The following LRRC63 variants were observed in gnomAD, a reference collection of about 807,000 sequenced individuals.
LRRC63 encodes the protein leucine-rich repeat-containing protein 63.
A neutral mutation model predicts 49.5 loss-of-function variants in LRRC63; 40 were observed. That is an observed-to-expected ratio of 0.81 (90% CI 0.63 to 1.05). The LOEUF is 1.05. LRRC63 is among the 50% of genes least tolerant of loss of function. LRRC63 has a pLI of 0.00. For missense variants in LRRC63, 636 were observed against 663.1 expected (o/e 0.96, Z 0.45); for synonymous variants, 191 against 221.1 (o/e 0.86, Z 1.21).
At chr13:46,244,665 T>C (rs1415073885) in intron 5 of LRRC63, among the ~76,000 whole-genome samples, 1 of 152,122 alleles carries the variant, frequency 6.6e-6, no homozygotes, top group African/African-American at 2.4e-5. Context: ...TTCTAGCTAC[T>C]CAGGAGGCTG....
exon 2 of LRRC63, chr13:46,213,081 T>C: frequency 3.2e-6 from 5 of 1,549,872 alleles, no homozygotes; most frequent in Non-Finnish European, 3.5e-6. Flanking sequence ...CCTCCAAAAT[T>C]CACTAAGCTG....
At chr13:46,246,543 A>C in exon 6 of LRRC63, 5 of 1,454,708 alleles carry the variant, frequency 3.4e-6, no homozygotes, top group Non-Finnish European at 4.5e-6. Flanking sequence ...TTTATCCTAA[A>C]TTGTCCAGAC....
At chr13:46,236,402 G>C (rs889659608) in intron 5 of LRRC63, among the ~76,000 whole-genome samples, 1 of 152,084 alleles carries the variant, frequency 6.6e-6, no homozygotes. Context: ...CAAAGTCAAA[G>C]AAAGAATCTT....
chr13:46,272,852 A>T (rs143220669), intron 9 of LRRC63, among the ~76,000 whole-genome samples: 1 of 152,222 alleles, frequency 6.6e-6, no homozygotes, highest in South Asian at 2.1e-4. Flanking sequence ...ACACATACAT[A>T]CACAGTGAGG....
At chr13:46,228,875 A>G (rs1566478745) in intron 4 of LRRC63, 142 bp downstream of exon 4, 1 of 593,522 alleles carries the variant, frequency 1.7e-6, no homozygotes, top group East Asian at 2.8e-5. Context: ...TCAGCTCCCT[A>G]AGTCATTTAT....
intron 7 of LRRC63, among the ~76,000 whole-genome samples, chr13:46,257,849 A>G (rs1291215511): frequency 6.6e-6 from 1 of 152,118 alleles, no homozygotes; most frequent in African/African-American, 2.4e-5. Context: ...TATTTAAAAG[A>G]TTGTCTTTTT....
rs1210206884 is a variant in LRRC63, at chr13:46,227,658, T to A, written c.232T>A (p.Cys78Ser). 6 of 1,550,192 alleles carry A rather than the reference T, an allele frequency of 3.9e-6. No homozygotes were observed. In the African/African-American group the frequency reaches 8.2e-5, roughly 21 times the overall value. ...TATCCAAAATATCTTTCTTGATCAC[T>A]GTGTACAAGAAAGAGTGACTGCAAT... Residue 78 changes from cysteine to serine, a missense_variant, in exon 3 of 10, where the codon TGT (cysteine) becomes AGT (serine). Physicochemically the swap from Cys to Ser is moderately radical, Grantham distance 112. Coordinates refer to ENST00000595396, the Ensembl canonical transcript of LRRC63.
chr13:46,263,366 G>A (rs2047640934), intron 8 of LRRC63, among the ~76,000 whole-genome samples: 1 of 151,736 alleles, frequency 6.6e-6, no homozygotes, highest in Non-Finnish European at 1.5e-5. Flanking sequence ...GTAGAGATGG[G>A]GGTCTCACTA....
At chr13:46,272,007 C>T (rs1194941418) in intron 9 of LRRC63, among the ~76,000 whole-genome samples, 2 of 152,034 alleles carry the variant, frequency 1.3e-5, no homozygotes, top group Non-Finnish European at 2.9e-5. Context: ...ATGCCAGTAT[C>T]ACTACTGTTG....
Position 46,227,764 on chromosome 13 carries a change from G to C in LRRC63, c.338G>C (p.Cys113Ser), listed in dbSNP as rs1219116576. 3 of 1,550,302 alleles carry C rather than the reference G, an allele frequency of 1.9e-6. No individual in the cohort carries two copies. The African/African-American group carries it at 4.1e-5, about 21-fold the overall frequency. The change falls in exon 3 of 10, where the codon TGT (cysteine) becomes TCT (serine). Residue 113 changes from cysteine to serine, a missense_variant. Cys to Ser is a moderately radical substitution (Grantham distance 112, BLOSUM62 -1). Transcript: ENST00000595396. ...ACTGGTTCCATATTTTTTCCACATT[G>C]TAATTCAGCTTCTACTCGAATTTTT...
At chr13:46,224,935 G>C (rs908283690) in intron 2 of LRRC63, among the ~76,000 whole-genome samples, 1 of 152,252 alleles carries the variant, frequency 6.6e-6, no homozygotes, top group East Asian at 1.9e-4. Context: ...AGGGTGGCAA[G>C]AGTAGGCTGA....
chr13:46,242,232 T>C (rs1331930419), intron 5 of LRRC63, among the ~76,000 whole-genome samples: 2 of 152,100 alleles, frequency 1.3e-5, no homozygotes, highest in African/African-American at 4.8e-5. Context: ...CCAAATATTG[T>C]ATGTTCTCAT....
chr13:46,260,843 A>C (rs1047361912), intron 7 of LRRC63, among the ~76,000 whole-genome samples: 2 of 152,238 alleles, frequency 1.3e-5, no homozygotes, highest in East Asian at 3.8e-4. Flanking sequence ...GCATGGGACC[A>C]GATCATGAGG....
intron 4 of LRRC63, among the ~76,000 whole-genome samples, chr13:46,231,928 GC>G (rs1345984905): frequency 6.7e-6 from 1 of 149,968 alleles, no homozygotes; most frequent in Non-Finnish European, 1.5e-5. Flanking sequence ...CCATTCTCCT[GC>G]CTCAGCCTCA....
At chr13:46,218,586 ATTTAGCCT>A (rs1388739370) in intron 2 of LRRC63, among the ~76,000 whole-genome samples, 4 of 152,244 alleles carry the variant, frequency 2.6e-5, no homozygotes, top group African/African-American at 9.6e-5. Flanking sequence ...TAATAGGGGC[ATTTAGCCT>A]ATTTACATTT....
At chr13:46,222,979 C>A (rs971240630) in intron 2 of LRRC63, among the ~76,000 whole-genome samples, 4 of 144,764 alleles carry the variant, frequency 2.8e-5, no homozygotes, top group Non-Finnish European at 3.0e-5. Context: ...CCAAACACGG[C>A]ATGTTCTCAC....
intron 5 of LRRC63, among the ~76,000 whole-genome samples, chr13:46,243,451 A>T (rs922465081): frequency 6.6e-6 from 1 of 152,200 alleles, no homozygotes; most frequent in African/African-American, 2.4e-5. Flanking sequence ...ACCTATCAAT[A>T]AAAACCTTGA....
At chr13:46,262,214 G>A (rs568304917) in intron 8 of LRRC63, among the ~76,000 whole-genome samples, 9 of 152,084 alleles carry the variant, frequency 5.9e-5, no homozygotes, top group Non-Finnish European at 1.2e-4. Context: ...CTACTTAACA[G>A]AACGATAAGC....
chr13:46,230,745 C>T (rs887590550), intron 4 of LRRC63, among the ~76,000 whole-genome samples: 5 of 152,160 alleles, frequency 3.3e-5, no homozygotes, highest in African/African-American at 7.2e-5. Context: ...TTTTTCTTTC[C>T]ATGCTGTATG....
Sources: gnomAD v4.1 joint callset for allele counts (sites outside exome capture counted in the v4.1 genomes callset) on GRCh38, gnomAD v4.1.1 for gene constraint, MANE v1.5 for transcripts, NCBI Gene and HGNC (gene_info 2026-07-23, HGNC 2026-07-21) for gene names.